EPS8: variants seen among roughly 807,000 people sequenced by gnomAD.
EPS8 encodes the protein epidermal growth factor receptor kinase substrate 8.
A neutral mutation model predicts 103.8 loss-of-function variants in EPS8; 42 were observed. The observed-to-expected ratio is 0.40, with a 90% CI of 0.32 to 0.52. EPS8 has a LOEUF of 0.52. Ranked by LOEUF, EPS8 falls within the 20% of genes least tolerant of loss-of-function variation. The pLI, the probability that EPS8 is intolerant of heterozygous loss-of-function variation, is 0.40. For synonymous variants in EPS8, 344 were observed against 344.6 expected (o/e 1.00, Z 0.02); for missense variants, 969 against 1,005.1 (o/e 0.96, Z 0.49).
chr12:15,621,169 C>A lies in EPS8; in HGVS notation c.*148G>T. 3 of 478,266 alleles carry A rather than the reference C, an allele frequency of 6.3e-6. No individual in the cohort carries two copies. The highest frequency in any genetic ancestry group is 7.1e-6 in the Non-Finnish European group (2 of 280,316). 29.6% of individuals were successfully genotyped at this position (478,266 alleles called of 1,614,324 possible). On this transcript the variant is annotated 3_prime_UTR_variant, in exon 21 of 21. Coordinates refer to ENST00000281172, the MANE Select transcript of EPS8 (RefSeq NM_004447.6). ...AAAATAATGGGCCTAGAAGCAAATC[C>A]TGTGCTCACTCAGGTTTGCATGGGT...
intron 3 of EPS8, among the ~76,000 whole-genome samples, chr12:15,680,503 C>T (rs912006802): frequency 6.6e-6 from 1 of 152,088 alleles, no homozygotes; most frequent in African/African-American, 2.4e-5. Flanking sequence ...TTAATTTGCC[C>T]AAGATCACTC....
intron 1 of EPS8, among the ~76,000 whole-genome samples, chr12:15,709,904 G>A (rs1369315564): frequency 6.6e-5 from 10 of 152,208 alleles, no homozygotes; most frequent in Non-Finnish European, 1.0e-4. Context: ...TAAGGAACAC[G>A]TAACCTAGAT....
chr12:15,657,686 G>C (rs991906583), intron 12 of EPS8, among the ~76,000 whole-genome samples: 1 of 152,158 alleles, frequency 6.6e-6, no homozygotes, highest in African/African-American at 2.4e-5. Context: ...ATGGGTCTCT[G>C]AATGACTTCA....
Position 15,640,683 on chromosome 12 carries a change from T to C in EPS8, c.1821+20A>G. The C allele has an allele frequency of 2.5e-6, 4 of 1,610,556 alleles. No homozygotes were observed. Among genetic ancestry groups the C allele is most frequent in the Non-Finnish European group, 2.5e-6 (3 of 1,177,832 alleles). ...TCGTAAATGTGTACATACTACATTTTACTAAGAAATCATGCTCACCTGTAT... is the reference window on the plus strand; with the variant it reads ...TCGTAAATGTGTACATACTACATTTCACTAAGAAATCATGCTCACCTGTAT... On this transcript the variant is annotated intron_variant, in intron 17 of 20. Transcript: ENST00000281172.
chr12:15,764,881 T>C lies in EPS8; in HGVS notation c.-22+24280A>G, dbSNP rs1318221189. ...AAAAAACAAGTAGTATCTACAACCA[T>C]TAAAACTAAACATTATCAATGTCAA... is the stretch of plus-strand genomic sequence containing the variant. On this transcript the variant is annotated intron_variant, in intron 1 of 20. Coordinates refer to ENST00000281172, the MANE Select transcript of EPS8 (RefSeq NM_004447.6). This position sits in a 1 kb window ranked among gnomAD's most constrained non-coding sequence, Gnocchi z 4.1. Among the ~76,000 whole-genome samples, 1 of 152,202 alleles carries C rather than the reference T, an allele frequency of 6.6e-6. No individual in the cohort carries two copies. Among genetic ancestry groups the C allele is most frequent in the Non-Finnish European group, 1.5e-5 (1 of 68,030 alleles).
intron 1 of EPS8, among the ~76,000 whole-genome samples, chr12:15,730,834 C>T (rs1348396610): frequency 6.6e-6 from 1 of 152,024 alleles, no homozygotes; most frequent in African/African-American, 2.4e-5. Flanking sequence ...TATAATATAG[C>T]CCTTCTTTTC....
intron 1 of EPS8, among the ~76,000 whole-genome samples, chr12:15,730,330 C>T (rs1194908954): frequency 6.6e-6 from 1 of 152,096 alleles, no homozygotes; most frequent in Non-Finnish European, 1.5e-5. Context: ...AGTGGCAGAG[C>T]CAGGTTTCAA....
chr12:15,769,813 C>T lies in EPS8; in HGVS notation c.-22+19348G>A, dbSNP rs1003915011. Among the ~76,000 whole-genome samples, 1 of 152,044 alleles carries T rather than the reference C, an allele frequency of 6.6e-6. No homozygotes were observed. The highest frequency in any genetic ancestry group is 2.4e-5 in the African/African-American group (1 of 41,404). On this transcript the variant is annotated intron_variant, in intron 1 of 20. Transcript: ENST00000281172. The surrounding 1 kb of genome is among the most constrained non-coding windows in gnomAD (Gnocchi z 4.6). ...ACAAAAATTTCCTGAACTTTCTGAC[C>T]AAAGTCATGTTTTATTATTTCTCAG...
intron 13 of EPS8, among the ~76,000 whole-genome samples, chr12:15,651,291 T>C (rs1318095577): frequency 6.6e-6 from 1 of 152,182 alleles, no homozygotes; most frequent in Non-Finnish European, 1.5e-5. Flanking sequence ...CTTTGTAACA[T>C]GGATATAGGT....
Position 15,776,898 on chromosome 12 carries a change from A to G in EPS8, c.-22+12263T>C, listed in dbSNP as rs1001987934. ...AAATTTCATATTTCCCAGTAATGAT[A>G]GTTTGATTTTATCAATGCCTTTGAA... On this transcript the variant is annotated intron_variant, in intron 1 of 20. Coordinates refer to ENST00000281172, the MANE Select transcript of EPS8 (RefSeq NM_004447.6). The surrounding 1 kb of genome is among the most constrained non-coding windows in gnomAD (Gnocchi z 4.2). Among the ~76,000 whole-genome samples the G allele has an allele frequency of 9.2e-5, 14 of 152,232 alleles. No homozygotes were observed. The highest frequency in any genetic ancestry group is 2.7e-4 in the African/African-American group (11 of 41,470).
At chr12:15,732,333 A>G (rs1209024317) in intron 1 of EPS8, among the ~76,000 whole-genome samples, 2 of 152,206 alleles carry the variant, frequency 1.3e-5, no homozygotes, top group Non-Finnish European at 1.5e-5. Flanking sequence ...TTCCCACATA[A>G]TTATGGTGAT....
intron 1 of EPS8, chr12:15,683,819 G>C (rs897565688): frequency 6.6e-6 from 1 of 151,986 alleles, no homozygotes. Flanking sequence ...GGTCCTCTCC[G>C]GGTTTGTGTC....
At position 15,728,999 on chromosome 12, in the gene EPS8, G is replaced by A. The variant is rs753348804; in HGVS notation, c.-21-46027C>T. ...CTTTACTCCTCCTTCACTTTTGAAG[G>A]ATAATTTTACTGGATACTGAATTCT... On this transcript the variant is annotated intron_variant, in intron 1 of 20. Coordinates refer to ENST00000281172, the MANE Select transcript of EPS8 (RefSeq NM_004447.6). This position sits in a 1 kb window ranked among gnomAD's most constrained non-coding sequence, Gnocchi z 4.5. Among the ~76,000 whole-genome samples the A allele has an allele frequency of 1.3e-5, 2 of 152,082 alleles. No homozygotes were observed. The highest frequency in any genetic ancestry group is 2.9e-5 in the Non-Finnish European group (2 of 67,998).
rs1330902009 is a variant in EPS8 at position 15,721,129 on chromosome 12, G to C, written c.-21-38157C>G. Among the ~76,000 whole-genome samples, 6 of 152,090 alleles carry C rather than the reference G, an allele frequency of 3.9e-5. No individual in the cohort carries two copies. Among genetic ancestry groups the C allele is most frequent in the Non-Finnish European group, 8.8e-5 (6 of 68,024 alleles). On this transcript the variant is annotated intron_variant, in intron 1 of 20. Transcript: ENST00000281172. This position sits in a 1 kb window ranked among gnomAD's most constrained non-coding sequence, Gnocchi z 4.4. ...TAGTACAATAGTTGGCACATAATAG[G>C]TGAAGGCAATCAAAAATATGTCCAC...
At position 15,760,025 on chromosome 12, in the gene EPS8, G is replaced by A. The variant is rs1401652919; in HGVS notation, c.-22+29136C>T. Among the ~76,000 whole-genome samples the A allele has an allele frequency of 6.6e-6, 1 of 151,804 alleles. No individual in the cohort carries two copies. The highest frequency in any genetic ancestry group is 2.4e-5 in the African/African-American group (1 of 41,390). ...ATAAAAAAAATCAATGAAACTAAAA[G>A]TTGGTTTTCTAAATAAACAAAATTG... On this transcript the variant is annotated intron_variant, in intron 1 of 20. Transcript: ENST00000281172. This position sits in a 1 kb window ranked among gnomAD's most constrained non-coding sequence, Gnocchi z 4.5.
In EPS8 at chr12:15,771,709, G is replaced by A. The variant is rs80299421; in HGVS notation, c.-22+17452C>T. 2.7e-5 allele frequency among the ~76,000 whole-genome samples: 4 copies of A among 150,796 alleles called. No homozygotes were observed. Among genetic ancestry groups the A allele is most frequent in the African/African-American group, 9.8e-5 (4 of 40,962 alleles). ...CCAGCCTGGGTAACAGAACAAGACT[G>A]TCTCTTAAAAAAAAAAAGAAAAGAA... is the stretch of plus-strand genomic sequence containing the variant. On this transcript the variant is annotated intron_variant, in intron 1 of 20. Coordinates refer to ENST00000281172, the MANE Select transcript of EPS8 (RefSeq NM_004447.6). This position sits in a 1 kb window ranked among gnomAD's most constrained non-coding sequence, Gnocchi z 4.6.
In EPS8 at chr12:15,787,684, T is replaced by C. The variant is rs569118494; in HGVS notation, c.-22+1477A>G. 2.8e-4 allele frequency among the ~76,000 whole-genome samples: 42 copies of C among 152,292 alleles called. No individual in the cohort carries two copies. The highest frequency in any genetic ancestry group is 1.0e-3 in the African/African-American group (42 of 41,568). ...TTTTTCTGCTATAAAGTGAATGACT[T>C]GTGGTGCAATCTTACAAAGTCTCAA... On this transcript the variant is annotated intron_variant, in intron 1 of 20. Coordinates refer to ENST00000281172, the MANE Select transcript of EPS8 (RefSeq NM_004447.6). This position sits in a 1 kb window ranked among gnomAD's most constrained non-coding sequence, Gnocchi z 4.9.
intron 17 of EPS8, among the ~76,000 whole-genome samples, chr12:15,635,303 G>A (rs1416664913): frequency 6.6e-6 from 1 of 151,982 alleles, no homozygotes; most frequent in African/African-American, 2.4e-5. Flanking sequence ...TATTTATAGT[G>A]GGTATTATTC....
At position 15,775,095 on chromosome 12, in the gene EPS8, A is replaced by G. The variant is rs530870839; in HGVS notation, c.-22+14066T>C. On this transcript the variant is annotated intron_variant, in intron 1 of 20. Coordinates refer to ENST00000281172, the MANE Select transcript of EPS8 (RefSeq NM_004447.6). ...TAGAATGCGCTTGGCCCCACTAAAG[A>G]AGGAGTCCACATTTTCCTTGCTTGC... 3.9e-5 allele frequency among the ~76,000 whole-genome samples: 6 copies of G among 152,214 alleles called. No individual in the cohort carries two copies. The East Asian group carries it at 1.2e-3, about 29-fold the overall frequency.
Sources: allele counts gnomAD v4.1 joint callset (sites outside exome capture counted in the v4.1 genomes callset), GRCh38; gene constraint gnomAD v4.1.1; non-coding constraint Gnocchi (gnomAD v3.1); transcripts MANE v1.5; gene names NCBI Gene and HGNC (gene_info 2026-07-23, HGNC 2026-07-21).